Variants in TACC1 observed in about 807,000 individuals in gnomAD.
TACC1 encodes transforming acidic coiled-coil-containing protein 1.
A neutral mutation model predicts 84.4 loss-of-function variants in TACC1; 48 were observed. The observed-to-expected ratio is 0.57, with a 90% confidence interval of 0.45 to 0.72. The LOEUF is 0.72. TACC1 is among the 30% of genes least tolerant of loss of function. The pLI is 0.00. For missense variants in TACC1, 920 were observed against 973.0 expected (o/e 0.95, Z 0.72); for synonymous variants, 372 against 376.3 (o/e 0.99, Z 0.13).
intron 11 of TACC1, among the ~76,000 whole-genome samples, chr8:38,845,122 G>A (rs919688716): frequency 7.2e-5 from 11 of 151,766 alleles, no homozygotes; most frequent in Admixed American, 5.9e-4. Context: ...ACGGGGTTTC[G>A]CCATGTTGGG....
chr8:38,837,105 CTTTTTTTTTT>C (rs11414868), intron 7 of TACC1, among the ~76,000 whole-genome samples: 1 of 120,916 alleles, frequency 8.3e-6, no homozygotes, highest in Admixed American at 8.6e-5. Flanking sequence ...CCACCAAAAT[CTTTTTTTTTT>C]TTTTTTTTTG....
rs527848184 is a variant in TACC1 at position 38,798,166 on chromosome 8, C to T, written c.277+9347C>T. On this transcript the variant is annotated intron_variant, in intron 2 of 12. Coordinates refer to ENST00000317827, the MANE Select transcript of TACC1 (RefSeq NM_006283.3). ...AGAGACAGGGTCTTGCTGTGTTGCCCAGGCTGGAGTGTGGTGGTACAATCA... is the reference window on the plus strand; with the variant it reads ...AGAGACAGGGTCTTGCTGTGTTGCCTAGGCTGGAGTGTGGTGGTACAATCA... Among the ~76,000 whole-genome samples the T allele has an allele frequency of 8.6e-5, 13 of 151,560 alleles. 1 individual carries two copies. The highest frequency in any genetic ancestry group is 4.6e-4 in the Admixed American group (7 of 15,200).
At chr8:38,757,707 A>G (rs1421816153) in intron 3 of TACC1, among the ~76,000 whole-genome samples, 2 of 152,060 alleles carry the variant, frequency 1.3e-5, no homozygotes, top group Non-Finnish European at 2.9e-5. Flanking sequence ...TCGTCCAAGC[A>G]GAAAACGCAC....
chr8:38,746,943 A>T (rs1385160122), intron 3 of TACC1, among the ~76,000 whole-genome samples: 1 of 152,236 alleles, frequency 6.6e-6, no homozygotes, highest in African/African-American at 2.4e-5. Flanking sequence ...AACAAAAATG[A>T]TAGACTCATA....
At chr8:38,770,819 C>T (rs573709184) in intron 3 of TACC1, among the ~76,000 whole-genome samples, 2 of 152,170 alleles carry the variant, frequency 1.3e-5, no homozygotes, top group South Asian at 2.1e-4. Flanking sequence ...TCTTTAAATG[C>T]GGCCCTTGAT....
intron 3 of TACC1, among the ~76,000 whole-genome samples, chr8:38,781,756 C>T (rs1816041633): frequency 6.6e-6 from 1 of 152,016 alleles, no homozygotes; most frequent in Non-Finnish European, 1.5e-5. Context: ...ACCCTCCCCA[C>T]AAACAGGTAA....
intron 1 of TACC1, chr8:38,728,751 G>A (rs1020591536): frequency 2.0e-5 from 3 of 152,238 alleles, no homozygotes; most frequent in Non-Finnish European, 4.4e-5. Flanking sequence ...TTAAGCCTGG[G>A]GCTGAGGTGT....
chr8:38,806,740 C>T (rs867114752), intron 2 of TACC1, among the ~76,000 whole-genome samples: 1 of 152,116 alleles, frequency 6.6e-6, no homozygotes, highest in Admixed American at 6.5e-5. Flanking sequence ...GTGGAATATG[C>T]GGTTCTCTTC....
chr8:38,815,085 A>G (rs1216600901), intron 2 of TACC1, among the ~76,000 whole-genome samples: 1 of 152,218 alleles, frequency 6.6e-6, no homozygotes, highest in Non-Finnish European at 1.5e-5. Flanking sequence ...TTGTCAGCAT[A>G]TGGAAAGGGT....
At chr8:38,799,917 C>T (rs1820952256) in intron 2 of TACC1, 1 of 152,232 alleles carries the variant, frequency 6.6e-6, no homozygotes, top group African/African-American at 2.4e-5. Context: ...CCTGTAATCC[C>T]AGCACTTTGG....
chr8:38,773,561 T>TCTAGCTAGCTATCTATCTAG (rs1814107533), intron 3 of TACC1, among the ~76,000 whole-genome samples: 1 of 150,698 alleles, frequency 6.6e-6, no homozygotes, highest in African/African-American at 2.4e-5. Flanking sequence ...TGTAAAAGTA[T>TCTAGCTAGCTATCTATCTAG]CTATCTATCT....
Position 38,843,357 on chromosome 8 carries a change from C to T in TACC1, c.2190C>T (p.Tyr730=), listed in dbSNP as rs775169793. ...LARVKQEEQR[Y]QALKIHAEEK... ...GAGTTAAACAAGAGGAGCAGCGATA[C>T]CAGGCCCTGAAAATCCACGCAGAAG... is the stretch of plus-strand genomic sequence containing the variant. Residue 730 remains tyrosine (Y), a synonymous_variant, in exon 11 of 13, where the codon TAC becomes TAT. Coordinates refer to ENST00000317827, the MANE Select transcript of TACC1 (RefSeq NM_006283.3). 2 of 1,609,116 alleles carry T rather than the reference C, an allele frequency of 1.2e-6. No homozygotes were observed. Among genetic ancestry groups the T allele is most frequent in the Non-Finnish European group, 8.5e-7 (1 of 1,177,580 alleles).
rs901040336 is a variant in TACC1 at position 38,851,805 on chromosome 8, G to T, written c.*3782G>T. 1 of 388,204 alleles carries T rather than the reference G, an allele frequency of 2.6e-6. No homozygotes were observed. Among genetic ancestry groups the T allele is most frequent in the Non-Finnish European group, 5.2e-6 (1 of 192,528 alleles). 24.0% of individuals were successfully genotyped at this position (388,204 alleles called of 1,614,324 possible). The stretch of plus-strand genomic sequence containing the variant: ...ATTCTGAAGAATCTAAAAGATAACA[G>T]ATTATTTGCTTATGAAAGAACAATA... On this transcript the variant is annotated 3_prime_UTR_variant, in exon 13 of 13. Coordinates refer to ENST00000317827, the MANE Select transcript of TACC1 (RefSeq NM_006283.3).
intron 3 of TACC1, among the ~76,000 whole-genome samples, chr8:38,782,085 A>G (rs1300628678): frequency 6.6e-6 from 1 of 150,668 alleles, no homozygotes; most frequent in Non-Finnish European, 1.5e-5. Flanking sequence ...TTAGTTACAT[A>G]TGTATACATG....
chr8:38,778,236 A>G (rs1439316259), intron 3 of TACC1, among the ~76,000 whole-genome samples: 1 of 151,642 alleles, frequency 6.6e-6, no homozygotes. Flanking sequence ...ATGAGCCACC[A>G]CACCTGGCCT....
chr8:38,814,313 ATGTT>A lies in TACC1; in HGVS notation c.278-5206_278-5203del, dbSNP rs564601913. On this transcript the variant is annotated intron_variant, in intron 2 of 12. Coordinates refer to ENST00000317827, the MANE Select transcript of TACC1 (RefSeq NM_006283.3). ...AATTTTATGCAGTGATCAGATTTGA[ATGTT>A]TGGAAGTTAAAAATACAGTCATTCA... 1.7e-4 allele frequency among the ~76,000 whole-genome samples: 26 copies of A among 152,348 alleles called. No individual in the cohort carries two copies. In the East Asian group the frequency reaches 4.8e-3, roughly 28 times the overall value.
intron 5 of TACC1, 152 bp downstream of exon 5, chr8:38,827,527 G>T: frequency 2.7e-6 from 2 of 745,346 alleles, no homozygotes; most frequent in East Asian, 2.7e-5. Context: ...TCTTTACCTG[G>T]AAAAGGGACA....
chr8:38,842,207 C>T (rs1831411751), intron 9 of TACC1, 80 bp from the exon 10 acceptor site: 1 of 1,510,048 alleles, frequency 6.6e-7, no homozygotes, highest in South Asian at 1.3e-5. Flanking sequence ...TGTGTCCCTA[C>T]CACGAGAACA....
chr8:38,757,091 G>A (rs1435036545), intron 3 of TACC1: 1 of 351,136 alleles, frequency 2.8e-6, no homozygotes, highest in African/African-American at 2.3e-5. Context: ...CACGCCCCAG[G>A]GGCTCCGCAT....
Sources: gnomAD v4.1 joint callset for allele counts (sites outside exome capture counted in the v4.1 genomes callset) on GRCh38, gnomAD v4.1.1 for gene constraint, MANE v1.5 for transcripts, NCBI Gene and HGNC (gene_info 2026-07-23, HGNC 2026-07-21) for gene names.